The following BAZ1A variants were observed in gnomAD, a reference collection of about 807,000 sequenced individuals.
BAZ1A encodes the protein bromodomain adjacent to zinc finger domain 1A, also known as bromodomain adjacent to zinc finger domain protein 1A.
Under a neutral mutation model 185.2 loss-of-function variants are expected in BAZ1A, and 50 were observed. The observed-to-expected ratio is 0.27, with a 90% confidence interval of 0.22 to 0.34. The LOEUF is 0.34. Ranked by LOEUF, BAZ1A falls within the 10% of genes least tolerant of loss-of-function variation. BAZ1A has a pLI of 1.00. For synonymous variants in BAZ1A, 571 were observed against 615.6 expected (o/e 0.93, Z 1.07); for missense variants, 1,356 against 1,839.9 (o/e 0.74, Z 4.81).
intron 3 of BAZ1A, among the ~76,000 whole-genome samples, chr14:34,835,945 C>T (rs1357515365): frequency 6.6e-6 from 1 of 151,714 alleles, no homozygotes; most frequent in Non-Finnish European, 1.5e-5. Flanking sequence ...TGTTGGATTA[C>T]AGGCGTGAGC....
At chr14:34,801,226 C>A (rs371162448) in intron 7 of BAZ1A, 33 bp from the exon 8 acceptor site, 3 of 1,471,754 alleles carry the variant, frequency 2.0e-6, no homozygotes, top group South Asian at 1.2e-5. Context: ...ATGCCTGGTT[C>A]TTATAGTAAG....
At chr14:34,856,499 C>T (rs1043824489) in intron 3 of BAZ1A, among the ~76,000 whole-genome samples, 7 of 151,990 alleles carry the variant, frequency 4.6e-5, no homozygotes, top group Non-Finnish European at 1.0e-4. Flanking sequence ...GTTGCCTAGG[C>T]TGCTTAGAGC....
At chr14:34,774,548 C>T in intron 18 of BAZ1A, 58 bp from the exon 19 acceptor site, 2 of 1,402,718 alleles carry the variant, frequency 1.4e-6, no homozygotes, top group Non-Finnish European at 1.9e-6. Context: ...TACAATTACT[C>T]CATGTGGCTG....
At chr14:34,764,443 C>G (rs925272012) in intron 23 of BAZ1A, among the ~76,000 whole-genome samples, 1 of 151,964 alleles carries the variant, frequency 6.6e-6, no homozygotes, top group Non-Finnish European at 1.5e-5. Context: ...CAGATGTCCA[C>G]CAACACCTTG....
chr14:34,820,571 A>G (rs1399849204), intron 4 of BAZ1A, among the ~76,000 whole-genome samples: 1 of 152,222 alleles, frequency 6.6e-6, no homozygotes, highest in Non-Finnish European at 1.5e-5. Flanking sequence ...AAAAGTGTTT[A>G]TAATTTTAAT....
Position 34,874,421 on chromosome 14 carries a change from A to C in BAZ1A, c.113+71T>G. ...CCAGAAGCCCAGGGCGAGGAAAAGG[A>C]GAGAGACAAAAGAGCGCTGCGGGGG... On this transcript the variant is annotated intron_variant, in intron 2 of 26. Coordinates refer to ENST00000360310, the MANE Select transcript of BAZ1A (RefSeq NM_013448.3). This position sits in a 1 kb window ranked among gnomAD's most constrained non-coding sequence, Gnocchi z 4.7. 1 of 1,405,852 alleles carries C rather than the reference A, an allele frequency of 7.1e-7. No homozygotes were observed. Among genetic ancestry groups the C allele is most frequent in the Non-Finnish European group, 1.0e-6 (1 of 997,674 alleles). The allele number at this position is 1,405,852 out of a possible 1,614,324, so 87.1% of individuals were successfully genotyped here. A position where few individuals can be genotyped will look rare whatever the true frequency, so the allele number is the denominator to read the frequency against.
intron 3 of BAZ1A, among the ~76,000 whole-genome samples, chr14:34,856,323 G>A (rs2042677550): frequency 9.6e-6 from 1 of 104,586 alleles, no homozygotes; most frequent in African/African-American, 3.5e-5. Flanking sequence ...AGATCTTACT[G>A]TCACCTAGGC....
chr14:34,765,353 AG>A, intron 21 of BAZ1A, 85 bp from the exon 22 acceptor site: 1 of 1,480,272 alleles, frequency 6.8e-7, no homozygotes, highest in East Asian at 2.3e-5. Context: ...GTTTAAATAT[AG>A]GTTAGATTTT....
Position 34,753,808 on chromosome 14 carries a change from C to CACT in BAZ1A, c.4475-107_4475-105dup, listed in dbSNP as rs543157964. 116 of 1,023,148 alleles carry CACT rather than the reference C, an allele frequency of 1.1e-4. 1 individual carries two copies. In the South Asian group the frequency reaches 2.6e-3, roughly 23 times the overall value. The allele number at this position is 1,023,148 out of a possible 1,614,324, so 63.4% of individuals were successfully genotyped here. On this transcript the variant is annotated intron_variant, in intron 26 of 26. Transcript: ENST00000360310. Reference sequence around the variant, plus strand: ...AAATTTTATTAAGAAAATGGAAGCCCACTTTTTTCTTTAGAAAGAGAAGAC... The same window carrying CACT: ...AAATTTTATTAAGAAAATGGAAGCCCACTACTTTTTTCTTTAGAAAGAGAAGAC...
In BAZ1A at chr14:34,753,092, T is replaced by G. The variant is rs1411661853; in HGVS notation, c.*416A>C. On this transcript the variant is annotated 3_prime_UTR_variant, in exon 27 of 27. Transcript: ENST00000360310. ...TGAAAGAATGTACTCAAACAATTAA[T>G]TAAGACATAAACACCTTTTCTAAAC... The G allele has an allele frequency of 6.3e-6, 1 of 157,690 alleles. No homozygotes were observed. The allele number at this position is 157,690 out of a possible 1,614,324, so 9.8% of individuals were successfully genotyped here.
chr14:34,764,485 T>C (rs1594813302), intron 23 of BAZ1A, among the ~76,000 whole-genome samples: 1 of 151,906 alleles, frequency 6.6e-6, no homozygotes, highest in South Asian at 2.1e-4. Context: ...AGAGACGGGG[T>C]TTCACCATGT....
chr14:34,856,722 G>A (rs1331441881), intron 3 of BAZ1A, among the ~76,000 whole-genome samples: 1 of 151,696 alleles, frequency 6.6e-6, no homozygotes, highest in African/African-American at 2.4e-5. Context: ...GCTGGGTGTG[G>A]TGGCGGGCGC....
intron 12 of BAZ1A, among the ~76,000 whole-genome samples, chr14:34,787,987 C>T (rs1386544774): frequency 6.6e-6 from 1 of 151,748 alleles, no homozygotes; most frequent in East Asian, 1.9e-4. Flanking sequence ...AGTAATGTGC[C>T]ATTGAGACAA....
intron 16 of BAZ1A, among the ~76,000 whole-genome samples, chr14:34,780,559 G>C (rs1879970315): frequency 6.6e-6 from 1 of 152,152 alleles, no homozygotes; most frequent in Non-Finnish European, 1.5e-5. Flanking sequence ...CTGACTCTTA[G>C]GGATCAAAAA....
At chr14:34,866,033 G>A (rs529966654) in intron 2 of BAZ1A, among the ~76,000 whole-genome samples, 41 of 151,826 alleles carry the variant, frequency 2.7e-4, no homozygotes, top group Non-Finnish European at 4.9e-4. Context: ...ACCAAAAATT[G>A]AAGAAAAAAA....
Position 34,758,851 on chromosome 14 carries a change from G to T in BAZ1A, c.4244-5C>A. On this transcript the variant is annotated splice_polypyrimidine_tract_variant and splice_region_variant and intron_variant, in intron 24 of 26. Coordinates refer to ENST00000360310, the MANE Select transcript of BAZ1A (RefSeq NM_013448.3). ...CCAGTGTCACAGGCGATGGCTCTGA[G>T]TAAATAATTACAACATTTTAGGTGA... The T allele has an allele frequency of 1.2e-6, 2 of 1,612,406 alleles. No homozygotes were observed. Among genetic ancestry groups the T allele is most frequent in the East Asian group, 4.5e-5 (2 of 44,860 alleles).
intron 23 of BAZ1A, among the ~76,000 whole-genome samples, chr14:34,763,252 T>C (rs1199586221): frequency 6.6e-6 from 1 of 152,178 alleles, no homozygotes; most frequent in South Asian, 2.1e-4. Flanking sequence ...CCTCACAAGC[T>C]ACAGGGAAGA....
intron 12 of BAZ1A, among the ~76,000 whole-genome samples, chr14:34,787,261 G>A (rs1444757888): frequency 1.3e-5 from 2 of 148,794 alleles, no homozygotes; most frequent in Non-Finnish European, 3.0e-5. Context: ...GCTGAGGCAG[G>A]AGAATCACTT....
chr14:34,840,790 AACAAACAAAAAACTTAT>A (rs2042401485), intron 3 of BAZ1A, among the ~76,000 whole-genome samples: 3 of 151,384 alleles, frequency 2.0e-5, no homozygotes, highest in Admixed American at 2.0e-4. Flanking sequence ...CAAACAAACA[AACAAACAAAAAACTTAT>A]ACTTATTACT....
Sources: gnomAD v4.1 joint callset for allele counts (sites outside exome capture counted in the v4.1 genomes callset) on GRCh38, gnomAD v4.1.1 for gene constraint, Gnocchi (gnomAD v3.1) non-coding constraint, MANE v1.5 for transcripts, NCBI Gene and HGNC (gene_info 2026-07-23, HGNC 2026-07-21) for gene names.